Variants in PCDHGA5 observed in about 807,000 individuals in gnomAD.
PCDHGA5 encodes the protein protocadherin gamma-A5.
In PCDHGA5, 36 loss-of-function variants were observed where a neutral mutation model predicts 56.7. The observed-to-expected ratio is 0.64, with a 90% CI of 0.49 to 0.84. The LOEUF (loss-of-function observed/expected upper bound fraction) is 0.84. Ranked by LOEUF, PCDHGA5 falls within the 40% of genes least tolerant of loss-of-function variation. PCDHGA5 has a pLI of 0.00. For missense variants in PCDHGA5, 1,305 were observed against 1,201.5 expected, an observed-to-expected ratio of 1.09 and a Z score of -1.27; for synonymous variants, 563 against 520.2, an observed-to-expected ratio of 1.08 and a Z score of -1.12.
Position 141,365,918 on chromosome 5 carries a change from T to C in PCDHGA5, c.1588T>C (p.Leu530=), listed in dbSNP as rs773521729. Residue 530 remains leucine (L), a synonymous_variant, in exon 1 of 4, where the codon TTG becomes CTG. Coordinates refer to ENST00000518069, the MANE Select transcript of PCDHGA5 (RefSeq NM_018918.3). The part of the protein sequence containing the change: ...FDYEQLRDLQ[L]WVTASDSGNP... ...CTATGAGCAGTTGAGAGACCTACAGTTGTGGGTGACAGCCAGCGACAGTGG... is the reference window on the plus strand; with the variant it reads ...CTATGAGCAGTTGAGAGACCTACAGCTGTGGGTGACAGCCAGCGACAGTGG... 8 of 1,613,992 alleles carry C rather than the reference T, an allele frequency of 5.0e-6. No homozygotes were observed. Among genetic ancestry groups the C allele is most frequent in the Non-Finnish European group, 6.8e-6 (8 of 1,180,018 alleles).
At chr5:141,380,748 C>A (rs1776705964) in intron 1 of PCDHGA5, among the ~76,000 whole-genome samples, 1 of 151,948 alleles carries the variant, frequency 6.6e-6, no homozygotes, top group African/African-American at 2.4e-5. Flanking sequence ...AAGAAGGTAC[C>A]AAGACACTAT....
rs1417754081 is a variant in PCDHGA5, at chr5:141,512,046, T to C, written c.*873T>C. 1 of 152,746 alleles carries C rather than the reference T, an allele frequency of 6.5e-6. No individual in the cohort carries two copies. Among genetic ancestry groups the C allele is most frequent in the East Asian group, 1.9e-4 (1 of 5,190 alleles). 9.5% of individuals were successfully genotyped at this position (152,746 alleles called of 1,614,324 possible). Reference sequence around the variant, plus strand: ...GCCTTGGAGGAGGCTCTGTATGTCCTCAGGGGACTGACAACATCCTCCAGA... The same window carrying C: ...GCCTTGGAGGAGGCTCTGTATGTCCCCAGGGGACTGACAACATCCTCCAGA... On this transcript the variant is annotated 3_prime_UTR_variant, in exon 4 of 4. Transcript: ENST00000518069.
At chr5:141,370,928 C>T in intron 1 of PCDHGA5, 1 of 1,613,992 alleles carries the variant, frequency 6.2e-7, no homozygotes, top group Non-Finnish European at 8.5e-7. Context: ...ATCCGCACTT[C>T]TCTTTGATTC....
chr5:141,410,746 C>A (rs1489353130), intron 1 of PCDHGA5: 28 of 1,269,804 alleles, frequency 2.2e-5, no homozygotes, highest in Non-Finnish European at 2.7e-5. Flanking sequence ...ACAATATTTT[C>A]TCAATGTTTT....
chr5:141,371,349 G>T, intron 1 of PCDHGA5: 1 of 1,614,002 alleles, frequency 6.2e-7, no homozygotes, highest in Non-Finnish European at 8.5e-7. Flanking sequence ...CACAATTGGG[G>T]TGGAAGCAAA....
At chr5:141,447,947 A>G (rs2098555998) in intron 1 of PCDHGA5, among the ~76,000 whole-genome samples, 1 of 151,958 alleles carries the variant, frequency 6.6e-6, no homozygotes, top group South Asian at 2.1e-4. Flanking sequence ...TTAGCTGGGC[A>G]TGGTGGCGGA....
intron 1 of PCDHGA5, chr5:141,382,606 GA>G: frequency 3.6e-6 from 1 of 276,248 alleles, no homozygotes; most frequent in African/African-American, 2.2e-5. Flanking sequence ...AATTTTCTAT[GA>G]AATCAGTGTA....
rs1325168008 is a variant in PCDHGA5 at position 141,364,966 on chromosome 5, C to T, written c.636C>T (p.Leu212=). The change falls in exon 1 of 4, where the codon CTC becomes CTT. Residue 212 remains leucine, a synonymous_variant. Transcript: ENST00000518069. ...AAGAGACTGTTCACGACCTCCTCCT[C>T]ACAGCTTTAGATGGCGGAGACCCGG... ...REKETVHDLL[L]TALDGGDPVL... 1 of 1,613,938 alleles carries T rather than the reference C, an allele frequency of 6.2e-7. No individual in the cohort carries two copies. Among genetic ancestry groups the T allele is most frequent in the South Asian group, 1.1e-5 (1 of 91,086 alleles).
chr5:141,380,249 A>G (rs758616884), intron 1 of PCDHGA5, among the ~76,000 whole-genome samples: 1 of 152,198 alleles, frequency 6.6e-6, no homozygotes, highest in African/African-American at 2.4e-5. Flanking sequence ...GCAATTGTCA[A>G]AGGGGAAGGA....
chr5:141,386,419 G>T (rs952384075), intron 1 of PCDHGA5, among the ~76,000 whole-genome samples: 1 of 152,112 alleles, frequency 6.6e-6, no homozygotes, highest in African/African-American at 2.4e-5. Flanking sequence ...GTTGCAAGCT[G>T]TAGCCCACCT....
Position 141,432,044 on chromosome 5 carries a change from A to T in PCDHGA5, c.2422-62763A>T. 6.2e-7 allele frequency: 1 copy of T among 1,613,886 alleles called. No individual in the cohort carries two copies. Among genetic ancestry groups the T allele is most frequent in the Non-Finnish European group, 8.5e-7 (1 of 1,179,922 alleles). ...CACAGTGACCGCCACTGACCGGGGA[A>T]CCCCGCCCCTATCCACGGAAACTCA... On this transcript the variant is annotated intron_variant, in intron 1 of 3. Coordinates refer to ENST00000518069, the MANE Select transcript of PCDHGA5 (RefSeq NM_018918.3). This position sits in a 1 kb window ranked among gnomAD's most constrained non-coding sequence, Gnocchi z 6.0.
chr5:141,389,355 G>A, intron 1 of PCDHGA5: 3 of 1,613,950 alleles, frequency 1.9e-6, no homozygotes, highest in Non-Finnish European at 1.7e-6. Flanking sequence ...CTGCATCATG[G>A]CCAGTGACCT....
In PCDHGA5 at chr5:141,485,066, G is replaced by A. The variant is rs907517904; in HGVS notation, c.2422-9741G>A. On this transcript the variant is annotated intron_variant, in intron 1 of 3. Coordinates refer to ENST00000518069, the MANE Select transcript of PCDHGA5 (RefSeq NM_018918.3). This position sits in a 1 kb window ranked among gnomAD's most constrained non-coding sequence, Gnocchi z 5.7. Reference sequence around the variant, plus strand: ...GCGGCGCCGGCCGAACCGCGCCAGAGCTGGCGCGGGGAAAGGGAGATAGGT... The same window carrying A: ...GCGGCGCCGGCCGAACCGCGCCAGAACTGGCGCGGGGAAAGGGAGATAGGT... 1 of 885,622 alleles carries A rather than the reference G, an allele frequency of 1.1e-6. No individual in the cohort carries two copies. Among genetic ancestry groups the A allele is most frequent in the Non-Finnish European group, 1.8e-6 (1 of 559,820 alleles). 54.9% of individuals were successfully genotyped at this position (885,622 alleles called of 1,614,324 possible).
At chr5:141,388,464 A>G (rs750047903) in intron 1 of PCDHGA5, 2 of 1,613,850 alleles carry the variant, frequency 1.2e-6, no homozygotes, top group South Asian at 2.2e-5. Flanking sequence ...ATACCCTGAG[A>G]TGGTATTGAA....
intron 3 of PCDHGA5, among the ~76,000 whole-genome samples, chr5:141,507,518 A>T (rs1323767789): frequency 6.6e-6 from 1 of 152,132 alleles, no homozygotes; most frequent in African/African-American, 2.4e-5. Flanking sequence ...TGGGGCTATG[A>T]TTCCAGAGAG....
chr5:141,414,751 T>C (rs2095785645), intron 1 of PCDHGA5: 4 of 1,614,084 alleles, frequency 2.5e-6, no homozygotes, highest in Non-Finnish European at 1.7e-6. Flanking sequence ...ATCCTTCGAC[T>C]ATGAGCAGTT....
rs1375121802 is a variant in PCDHGA5 at position 141,432,471 on chromosome 5, G to A, written c.2422-62336G>A. 2 of 1,614,094 alleles carry A rather than the reference G, an allele frequency of 1.2e-6. No homozygotes were observed. Among genetic ancestry groups the A allele is most frequent in the African/African-American group, 2.7e-5 (2 of 74,946 alleles). ...CTGTACCCCGCCCTCCCCACGGACG[G>A]TTCCACTGGCGTGGAGCTGGCTCCC... is the stretch of plus-strand genomic sequence containing the variant. On this transcript the variant is annotated intron_variant, in intron 1 of 3. Coordinates refer to ENST00000518069, the MANE Select transcript of PCDHGA5 (RefSeq NM_018918.3). The surrounding 1 kb of genome is among the most constrained non-coding windows in gnomAD (Gnocchi z 6.0).
intron 2 of PCDHGA5, among the ~76,000 whole-genome samples, chr5:141,497,006 T>C (rs947830895): frequency 1.3e-5 from 2 of 151,678 alleles, no homozygotes; most frequent in South Asian, 2.1e-4. Context: ...GCAGCCAACA[T>C]GGTGAAACCC....
At position 141,486,694 on chromosome 5, in the gene PCDHGA5, C is replaced by T. The variant is rs1275794121; in HGVS notation, c.2422-8113C>T. ...ATCGAGATGTATCAGCTTCCTCTTTCATCTCTCTGAACCCCCAGACAGGAG... is the reference window on the plus strand; with the variant it reads ...ATCGAGATGTATCAGCTTCCTCTTTTATCTCTCTGAACCCCCAGACAGGAG... On this transcript the variant is annotated intron_variant, in intron 1 of 3. Transcript: ENST00000518069. This position sits in a 1 kb window ranked among gnomAD's most constrained non-coding sequence, Gnocchi z 5.0. 1.2e-6 allele frequency: 2 copies of T among 1,614,168 alleles called. No individual in the cohort carries two copies. Among genetic ancestry groups the T allele is most frequent in the Non-Finnish European group, 1.7e-6 (2 of 1,180,044 alleles).
Sources: gnomAD v4.1 joint callset for allele counts (sites outside exome capture counted in the v4.1 genomes callset) on GRCh38, gnomAD v4.1.1 for gene constraint, Gnocchi (gnomAD v3.1) non-coding constraint, MANE v1.5 for transcripts, NCBI Gene and HGNC (gene_info 2026-07-23, HGNC 2026-07-21) for gene names.